Variants in PDE4D observed in about 807,000 individuals in gnomAD.
PDE4D encodes the protein 3',5'-cyclic-AMP phosphodiesterase 4D.
PDE4D carries 24 observed loss-of-function variants against 87.4 expected under a neutral mutation model. The ratio of observed to expected loss-of-function variants is 0.27; its 90% CI spans 0.20 to 0.39. The LOEUF (loss-of-function observed/expected upper bound fraction) is 0.39. PDE4D is among the 10% of genes least tolerant of loss of function. The probability of loss-of-function intolerance (pLI) is 1.00; values close to 1 mark genes in which losing one functional copy is unlikely to be tolerated. For missense variants in PDE4D, 714 were observed against 1,041.0 expected, an observed-to-expected ratio of 0.69 and a Z score of 4.32; for synonymous variants, 384 against 383.2, an observed-to-expected ratio of 1.00 and a Z score of -0.02.
chr5:59,175,802 T>TTTTTTTTTTTTTTTTTTC (rs1783786054), intron 5 of PDE4D, among the ~76,000 whole-genome samples: 1 of 127,136 alleles, frequency 7.9e-6, no homozygotes, highest in African/African-American at 3.1e-5. Flanking sequence ...TTTTTTTTTT[T>TTTTTTTTTTTTTTTTTTC]TTTTACTTTA....
intron 1 of PDE4D, among the ~76,000 whole-genome samples, chr5:59,556,140 T>C (rs1437951740): frequency 6.6e-6 from 1 of 152,198 alleles, no homozygotes; most frequent in African/African-American, 2.4e-5. Flanking sequence ...AGCTATGTCA[T>C]TTCTTCACTT....
At chr5:59,852,616 A>G (rs1264910360) in intron 1 of PDE4D, among the ~76,000 whole-genome samples, 1 of 152,094 alleles carries the variant, frequency 6.6e-6, no homozygotes, top group East Asian at 1.9e-4. Context: ...GTCAGCTATA[A>G]TCACCCAGCT....
At chr5:59,682,072 T>G (rs2150366578) in intron 1 of PDE4D, among the ~76,000 whole-genome samples, 1 of 152,092 alleles carries the variant, frequency 6.6e-6, no homozygotes, top group South Asian at 2.1e-4. Context: ...CTATTCATTA[T>G]AAATTACCCA....
At chr5:60,017,626 C>A (rs534252762) in intron 2 of PDE4D, among the ~76,000 whole-genome samples, 21 of 152,200 alleles carry the variant, frequency 1.4e-4, no homozygotes, top group African/African-American at 4.8e-4. Flanking sequence ...AGAATATAAT[C>A]TCATTTTTTT....
intron 11 of PDE4D, among the ~76,000 whole-genome samples, chr5:58,977,908 A>C (rs544405158): frequency 6.6e-6 from 1 of 152,180 alleles, no homozygotes; most frequent in Non-Finnish European, 1.5e-5. Context: ...GTATCGTGGC[A>C]GTCATTGTAT....
At chr5:60,029,151 T>C (rs558928213) in intron 2 of PDE4D, among the ~76,000 whole-genome samples, 1 of 152,336 alleles carries the variant, frequency 6.6e-6, no homozygotes, top group South Asian at 2.1e-4. Flanking sequence ...ATAGATTGCA[T>C]AGCAGTGAAG....
chr5:59,243,783 G>A (rs564805215), intron 1 of PDE4D, among the ~76,000 whole-genome samples: 2 of 151,942 alleles, frequency 1.3e-5, no homozygotes, highest in African/African-American at 4.8e-5. Context: ...CTTAAAATTT[G>A]TTGTAAAAAC....
At chr5:59,367,509 A>AT (rs1162876868) in intron 1 of PDE4D, among the ~76,000 whole-genome samples, 2 of 152,140 alleles carry the variant, frequency 1.3e-5, no homozygotes, top group Admixed American at 6.5e-5. Flanking sequence ...CCCACCAGGA[A>AT]TTTTAGGTTT....
intron 1 of PDE4D, among the ~76,000 whole-genome samples, chr5:59,599,840 T>G (rs1827247280): frequency 1.3e-5 from 2 of 152,184 alleles, no homozygotes; most frequent in Admixed American, 1.3e-4. Flanking sequence ...CCTCTGGGAT[T>G]GGAAGGCACA....
At chr5:59,416,592 G>T (rs2153624537) in intron 1 of PDE4D, among the ~76,000 whole-genome samples, 1 of 152,242 alleles carries the variant, frequency 6.6e-6, no homozygotes, top group Non-Finnish European at 1.5e-5. Flanking sequence ...AGGAATTCGG[G>T]TAGTATCATT....
chr5:59,961,492 G>T (rs963172882), intron 3 of PDE4D, among the ~76,000 whole-genome samples: 7 of 151,998 alleles, frequency 4.6e-5, no homozygotes, highest in Non-Finnish European at 1.5e-5. Flanking sequence ...CTGAGATGCA[G>T]AATTCTCTCT....
At chr5:59,117,493 G>A (rs1018094559) in intron 5 of PDE4D, among the ~76,000 whole-genome samples, 2 of 151,998 alleles carry the variant, frequency 1.3e-5, no homozygotes, top group Non-Finnish European at 2.9e-5. Flanking sequence ...GGGAGTGTTT[G>A]TTCCTTTTTA....
chr5:60,315,643 C>T (rs1249755691), intron 1 of PDE4D, among the ~76,000 whole-genome samples: 2 of 152,118 alleles, frequency 1.3e-5, no homozygotes, highest in South Asian at 2.1e-4. Flanking sequence ...GTCTTTAATC[C>T]ACCTTGAATT....
At position 59,875,460 on chromosome 5, in the gene PDE4D, CAAAAAAAAAAA is replaced by C. The variant is rs3062667; in HGVS notation, c.455+17697_455+17707del. On this transcript the variant is annotated intron_variant, in intron 1 of 14. Coordinates refer to ENST00000340635, the MANE Select transcript of PDE4D (RefSeq NM_001104631.2). ...TCGTGACCAAGTGAGACCTCCGTCT[CAAAAAAAAAAA>C]AAAAAAAAAAAAAAAAAAAGAAGGA... Among the ~76,000 whole-genome samples the C allele has an allele frequency of 2.0e-4, 8 of 39,688 alleles. No homozygotes were observed. In the East Asian group the frequency reaches 0.01, roughly 51 times the overall value. The allele number at this position is 39,688 out of a possible 152,430, so 26.0% of individuals were successfully genotyped here.
chr5:59,988,752 A>T (rs377414784), intron 2 of PDE4D: 1 of 1,159,542 alleles, frequency 8.6e-7, no homozygotes, highest in African/African-American at 1.5e-5. Flanking sequence ...CATATAATCA[A>T]CAAAAATCAC....
At chr5:59,719,949 C>T (rs536981122) in intron 1 of PDE4D, among the ~76,000 whole-genome samples, 2 of 152,278 alleles carry the variant, frequency 1.3e-5, no homozygotes, top group Admixed American at 6.5e-5. Context: ...TCCATAATTT[C>T]ACTCAACTGG....
chr5:60,412,387 T>C (rs949904322), intron 1 of PDE4D, among the ~76,000 whole-genome samples: 6 of 152,184 alleles, frequency 3.9e-5, no homozygotes, highest in Non-Finnish European at 7.4e-5. Context: ...TCAATATCTT[T>C]TTAGAGAGCC....
rs750105496 is a variant in PDE4D at position 59,916,954 on chromosome 5, A to ATTT, written c.272+71531_272+71533dup. Among the ~76,000 whole-genome samples, 60 of 73,636 alleles carry ATTT rather than the reference A, an allele frequency of 8.1e-4. 1 individual carries two copies. Among genetic ancestry groups the ATTT allele is most frequent in the African/African-American group, 3.5e-3 (41 of 11,650 alleles). 48.3% of individuals were successfully genotyped at this position (73,636 alleles called of 152,430 possible). On this transcript the variant is annotated intron_variant, in intron 3 of 16. Coordinates refer to the PDE4D transcript ENST00000502484. ...AGGGGTGCACCACCATGCCCGGCTA[A>ATTT]TTTTTTTTTTTTTTTTTTTTTTTTT...
upstream of PDE4D, among the ~76,000 whole-genome samples, chr5:59,895,598 G>A (rs926635408): frequency 9.8e-5 from 15 of 152,338 alleles, no homozygotes; most frequent in African/African-American, 3.4e-4. Flanking sequence ...AACACAAAAG[G>A]AGAGAAATGG....
Sources: gnomAD v4.1 joint callset for allele counts (sites outside exome capture counted in the v4.1 genomes callset) on GRCh38, gnomAD v4.1.1 for gene constraint, MANE v1.5 for transcripts, NCBI Gene and HGNC (gene_info 2026-07-23, HGNC 2026-07-21) for gene names.